Variants in E2F5 observed in about 807,000 individuals in gnomAD.
The protein encoded by E2F5 is E2F transcription factor 5.
Under a neutral mutation model 39.1 loss-of-function variants are expected in E2F5, and 23 were observed. That is an observed-to-expected ratio of 0.59 (90% CI 0.42 to 0.83). The LOEUF is 0.83. E2F5 is among the 40% of genes least tolerant of loss of function. The pLI, the probability that E2F5 is intolerant of heterozygous loss-of-function variation, is 0.00. For synonymous variants in E2F5, 145 were observed against 157.8 expected (o/e 0.92, Z 0.61); for missense variants, 365 against 406.7 (o/e 0.90, Z 0.88).
intron 1 of E2F5, 138 bp from the exon 2 acceptor site, chr8:85,202,009 T>C: frequency 1.5e-6 from 1 of 671,784 alleles, no homozygotes; most frequent in Non-Finnish European, 2.6e-6. Flanking sequence ...GCTTTGAACA[T>C]GCTCAGCTAT....
chr8:85,186,799 A>G (rs1030247159), intron 1 of E2F5, among the ~76,000 whole-genome samples: 32 of 147,416 alleles, frequency 2.2e-4, no homozygotes, highest in Middle Eastern at 4.1e-3. Flanking sequence ...TATATATATG[A>G]TATGTATATA....
chr8:85,182,488 A>T (rs1419596748), intron 1 of E2F5, among the ~76,000 whole-genome samples: 1 of 152,208 alleles, frequency 6.6e-6, no homozygotes, highest in Non-Finnish European at 1.5e-5. Flanking sequence ...AAATGTATGT[A>T]GGTAGGTTTC....
Position 85,177,461 on chromosome 8 carries a change from C to T in E2F5, c.41C>T (p.Pro14Leu). ...AEPASSGQQA[P>L]AGQGQGQRPP... is the part of the protein sequence containing the mutation. ...CCCGCGAGCTCGGGCCAGCAGGCGC[C>T]GGCAGGGCAGGGGCAGGGCCAGCGG... Residue 14 changes from proline (P) to leucine (L), a missense_variant, in exon 1 of 8, where the codon CCG (proline) becomes CTG (leucine). Pro to Leu is a moderately conservative substitution (Grantham distance 98). Transcript: ENST00000416274. 1.0e-6 allele frequency: 1 copy of T among 1,001,648 alleles called. No homozygotes were observed. The highest frequency in any genetic ancestry group is 1.2e-6 in the Non-Finnish European group (1 of 842,140). The allele number at this position is 1,001,648 out of a possible 1,614,324, so 62.0% of individuals were successfully genotyped here.
chr8:85,178,227 C>G (rs1218707499), intron 1 of E2F5: 1 of 151,164 alleles, frequency 6.6e-6, no homozygotes, highest in Non-Finnish European at 1.5e-5. Context: ...AGTATTAAAT[C>G]TTCCTTGTGC....
Position 85,204,862 on chromosome 8 carries a change from A to ATT in E2F5, c.507-1315_507-1314insTT, listed in dbSNP as rs1452274737. 2.9e-3 allele frequency among the ~76,000 whole-genome samples: 446 copies of ATT among 152,228 alleles called. 2 individuals carry two copies. Among genetic ancestry groups the ATT allele is most frequent in the African/African-American group, 0.01 (435 of 41,532 alleles). On this transcript the variant is annotated intron_variant, in intron 3 of 7. Transcript: ENST00000416274. ...GGGTCAGGTACCAGACAACTGGGGG[A>ATT]CTACCTGCATAGCTTAGAGCCCACC...
intron 1 of E2F5, among the ~76,000 whole-genome samples, chr8:85,198,250 C>G (rs955240440): frequency 6.6e-6 from 1 of 151,822 alleles, no homozygotes; most frequent in African/African-American, 2.4e-5. Context: ...AGCAGTCATC[C>G]CTTCTCTCTT....
intron 1 of E2F5, among the ~76,000 whole-genome samples, chr8:85,196,594 A>G (rs1352897796): frequency 1.3e-5 from 2 of 152,216 alleles, no homozygotes; most frequent in African/African-American, 2.4e-5. Context: ...AAATTTATTT[A>G]AAGTCATTTG....
chr8:85,211,645 T>G lies in E2F5; in HGVS notation c.884-512T>G, dbSNP rs1333410373. On this transcript the variant is annotated intron_variant, in intron 6 of 7. Transcript: ENST00000416274. Reference sequence around the variant, plus strand: ...GAATGATGATGAGGTTTGTTGTTGTTTTTTTTTTTTTTTTTTTTTTTTTTT... The same window carrying G: ...GAATGATGATGAGGTTTGTTGTTGTGTTTTTTTTTTTTTTTTTTTTTTTTT... Among the ~76,000 whole-genome samples, 4 of 118,940 alleles carry G rather than the reference T, an allele frequency of 3.4e-5. No individual in the cohort carries two copies. In the South Asian group the frequency reaches 1.3e-3, roughly 37 times the overall value. The allele number at this position is 118,940 out of a possible 152,430, so 78.0% of individuals were successfully genotyped here.
chr8:85,214,094 A>C lies in E2F5; in HGVS notation c.*232A>C. On this transcript the variant is annotated 3_prime_UTR_variant, in exon 8 of 8. Transcript: ENST00000416274. Reference sequence around the variant, plus strand: ...TATCCACAAACGTCCCCACTCCCAAAAGTAACTATATTCTGGATTTCAACT... The same window carrying C: ...TATCCACAAACGTCCCCACTCCCAACAGTAACTATATTCTGGATTTCAACT... 1 of 582,754 alleles carries C rather than the reference A, an allele frequency of 1.7e-6. No homozygotes were observed. Among genetic ancestry groups the C allele is most frequent in the Non-Finnish European group, 3.2e-6 (1 of 316,974 alleles). The allele number at this position is 582,754 out of a possible 1,614,324, so 36.1% of individuals were successfully genotyped here. A position where few individuals can be genotyped will look rare whatever the true frequency, so the allele number is the denominator to read the frequency against.
At chr8:85,183,740 T>C (rs1227583046) in intron 1 of E2F5, among the ~76,000 whole-genome samples, 1 of 151,822 alleles carries the variant, frequency 6.6e-6, no homozygotes, top group African/African-American at 2.4e-5. Flanking sequence ...TTACCAGGGG[T>C]TGAGGGAAAA....
chr8:85,182,268 G>A (rs1444313732), intron 1 of E2F5, among the ~76,000 whole-genome samples: 1 of 152,188 alleles, frequency 6.6e-6, no homozygotes, highest in Admixed American at 6.5e-5. Flanking sequence ...CATTTTACAT[G>A]TTTTTAGCTA....
At chr8:85,202,311 T>A in intron 2 of E2F5, 55 bp downstream of exon 2, 1 of 1,329,834 alleles carries the variant, frequency 7.5e-7, no homozygotes, top group African/African-American at 1.5e-5. Flanking sequence ...CAGTGCTCTG[T>A]AAAATTTGAC....
intron 1 of E2F5, among the ~76,000 whole-genome samples, chr8:85,178,615 C>T (rs567578853): frequency 6.6e-6 from 1 of 152,292 alleles, no homozygotes; most frequent in East Asian, 1.9e-4. Flanking sequence ...CTGCAAATCC[C>T]CTTTGACTCC....
intron 3 of E2F5, among the ~76,000 whole-genome samples, chr8:85,204,634 T>C (rs1812764485): frequency 6.6e-6 from 1 of 151,818 alleles, no homozygotes; most frequent in Non-Finnish European, 1.5e-5. Context: ...ATGGCACATG[T>C]ATACATATGT....
intron 1 of E2F5, among the ~76,000 whole-genome samples, chr8:85,182,619 ATAAAT>A (rs1812244388): frequency 6.6e-6 from 1 of 152,230 alleles, no homozygotes; most frequent in Non-Finnish European, 1.5e-5. Flanking sequence ...GTATTATTGC[ATAAAT>A]TAAACTAGGA....
At chr8:85,207,329 T>G in intron 4 of E2F5, 96 bp from the exon 5 acceptor site, 1 of 1,047,318 alleles carries the variant, frequency 9.5e-7, no homozygotes, top group East Asian at 2.6e-5. Context: ...AGTTTGGGAT[T>G]GAACCAAACA....
chr8:85,177,438 C>A lies in E2F5; in HGVS notation c.18C>A (p.Pro6=). 1 of 991,872 alleles carries A rather than the reference C, an allele frequency of 1.0e-6. No homozygotes were observed. Among genetic ancestry groups the A allele is most frequent in the Non-Finnish European group, 1.2e-6 (1 of 835,400 alleles). 61.4% of individuals were successfully genotyped at this position (991,872 alleles called of 1,614,324 possible). A position where few individuals can be genotyped will look rare whatever the true frequency, so the allele number is the denominator to read the frequency against. ...GGGACGCGATGGCGGCGGCAGAGCC[C>A]GCGAGCTCGGGCCAGCAGGCGCCGG... is the stretch of plus-strand genomic sequence containing the variant. The part of the protein sequence containing the change: MAAAE[P]ASSGQQAPAG... Residue 6 remains proline, a synonymous_variant, in exon 1 of 8, where the codon CCC becomes CCA. Transcript: ENST00000416274.
Position 85,177,572 on chromosome 8 carries a change from A to T in E2F5, c.152A>T (p.His51Leu). Residue 51 changes from histidine (H) to leucine (L), a missense_variant, in exon 1 of 8, where the codon CAC (histidine) becomes CTC (leucine). Coordinates refer to ENST00000416274, the MANE Select transcript of E2F5 (RefSeq NM_001951.4). ...GGCGCCGGGGGCGGCAGCAGCAGGC[A>T]CGAGAAGAGCCTGGGGCTGCTCACT... ...LGGAGGGSSR[H>L]EKSLGLLTTK... The T allele has an allele frequency of 1.6e-6, 2 of 1,280,224 alleles. No homozygotes were observed. Among genetic ancestry groups the T allele is most frequent in the Non-Finnish European group, 2.0e-6 (2 of 1,010,642 alleles). The allele number at this position is 1,280,224 out of a possible 1,614,324, so 79.3% of individuals were successfully genotyped here. A position where few individuals can be genotyped will look rare whatever the true frequency, so the allele number is the denominator to read the frequency against.
chr8:85,206,713 A>T (rs1812809176), intron 4 of E2F5, among the ~76,000 whole-genome samples: 1 of 152,214 alleles, frequency 6.6e-6, no homozygotes, highest in Admixed American at 6.5e-5. Context: ...TCTCCTTAAA[A>T]TAACAATATC....
Sources: gnomAD v4.1 joint callset for allele counts (sites outside exome capture counted in the v4.1 genomes callset) on GRCh38, gnomAD v4.1.1 for gene constraint, MANE v1.5 for transcripts, NCBI Gene and HGNC (gene_info 2026-07-23, HGNC 2026-07-21) for gene names.